The following TCF4 variants were observed in gnomAD, a reference collection of about 807,000 sequenced individuals.
The protein encoded by TCF4 is transcription factor 4.
TCF4 carries 3 observed loss-of-function variants against 82.1 expected under a neutral mutation model. The ratio of observed to expected loss-of-function variants is 0.04; its 90% CI spans 0.02 to 0.09. TCF4 has a LOEUF of 0.09. Among genes scored for constraint, TCF4 ranks in the 10% least tolerant of loss-of-function variants. TCF4 has a pLI of 1.00. For missense variants in TCF4, 518 were observed against 852.7 expected, an observed-to-expected ratio of 0.61 and a Z score of 4.89; for synonymous variants, 276 against 309.6, an observed-to-expected ratio of 0.89 and a Z score of 1.14.
chr18:55,416,296 A>G (rs1261776140), intron 5 of TCF4, among the ~76,000 whole-genome samples: 1 of 152,238 alleles, frequency 6.6e-6, no homozygotes, highest in Non-Finnish European at 1.5e-5. Flanking sequence ...CAAAGACTAC[A>G]TTATTTACTT....
chr18:55,354,839 T>C (rs910514597), intron 6 of TCF4, among the ~76,000 whole-genome samples: 8 of 152,118 alleles, frequency 5.3e-5, no homozygotes, highest in African/African-American at 1.4e-4. Flanking sequence ...AAAAAAGAAG[T>C]AGGAGAAAGA....
chr18:55,517,269 G>A (rs140403415), intron 3 of TCF4, among the ~76,000 whole-genome samples: 40 of 152,176 alleles, frequency 2.6e-4, no homozygotes, highest in Admixed American at 2.2e-3. Flanking sequence ...TCTTTTGTGC[G>A]GCTGGGTGAT....
At chr18:55,564,311 C>G (rs569391953) in intron 3 of TCF4, among the ~76,000 whole-genome samples, 9 of 152,268 alleles carry the variant, frequency 5.9e-5, no homozygotes, top group Non-Finnish European at 1.3e-4. Flanking sequence ...TTATTCTAGG[C>G]ACTATGAGAA....
At chr18:55,532,213 T>C (rs2097071560) in intron 3 of TCF4, among the ~76,000 whole-genome samples, 1 of 152,220 alleles carries the variant, frequency 6.6e-6, no homozygotes, top group African/African-American at 2.4e-5. Context: ...GAAGTGAATC[T>C]TCAATGAACA....
At chr18:55,442,414 T>C (rs948053670) in intron 5 of TCF4, among the ~76,000 whole-genome samples, 4 of 152,242 alleles carry the variant, frequency 2.6e-5, no homozygotes. Flanking sequence ...GGAAGTAGGT[T>C]TTATTTTAAA....
intron 8 of TCF4, among the ~76,000 whole-genome samples, chr18:55,324,479 A>C (rs939213206): frequency 2.0e-5 from 3 of 152,210 alleles, no homozygotes; most frequent in African/African-American, 7.2e-5. Context: ...TTAGAACAGA[A>C]GTATAAGAAC....
At chr18:55,401,304 T>G in intron 6 of TCF4, 1 of 1,178,946 alleles carries the variant, frequency 8.5e-7, no homozygotes, top group Non-Finnish European at 1.1e-6. Context: ...TCACACTGTT[T>G]ATGGAGATTG....
At chr18:55,547,954 AAAG>A (rs1380373652) in intron 3 of TCF4, among the ~76,000 whole-genome samples, 1 of 151,888 alleles carries the variant, frequency 6.6e-6, no homozygotes, top group Non-Finnish European at 1.5e-5. Flanking sequence ...AGGGAGCTGA[AAAG>A]AAGTTTTGTG....
At chr18:55,628,979 A>G (rs1176801811) in intron 2 of TCF4, among the ~76,000 whole-genome samples, 6 of 152,226 alleles carry the variant, frequency 3.9e-5, no homozygotes, top group African/African-American at 1.4e-4. Context: ...TTGTTGCTAA[A>G]TATTTCTTTA....
intron 16 of TCF4, chr18:55,234,284 A>T: frequency 1.7e-6 from 1 of 577,492 alleles, no homozygotes; most frequent in South Asian, 2.4e-5. Flanking sequence ...CTAAAATAAA[A>T]TTTCCTCTCA....
intron 3 of TCF4, among the ~76,000 whole-genome samples, chr18:55,568,386 G>A (rs1223976974): frequency 2.6e-5 from 4 of 151,664 alleles, no homozygotes; most frequent in African/African-American, 9.7e-5. Context: ...AAATTATGGA[G>A]TCAGCAGAGA....
chr18:55,521,375 T>C (rs2096931981), intron 3 of TCF4, among the ~76,000 whole-genome samples: 1 of 152,202 alleles, frequency 6.6e-6, no homozygotes. Context: ...TTGATTTACA[T>C]TTCATGCACT....
chr18:55,548,040 C>T (rs1304615044), intron 3 of TCF4, among the ~76,000 whole-genome samples: 4 of 152,176 alleles, frequency 2.6e-5, no homozygotes, highest in Non-Finnish European at 4.4e-5. Flanking sequence ...ACCCTTACTC[C>T]GCTCAGTAAT....
chr18:55,366,460 T>C (rs1569213428), intron 6 of TCF4, among the ~76,000 whole-genome samples: 4 of 151,936 alleles, frequency 2.6e-5, no homozygotes. Flanking sequence ...CTTCATAAAA[T>C]GCAAATGATT....
At chr18:55,622,827 T>A (rs2097722759) in intron 2 of TCF4, among the ~76,000 whole-genome samples, 1 of 152,062 alleles carries the variant, frequency 6.6e-6, no homozygotes, top group South Asian at 2.1e-4. Context: ...CAGAATATTA[T>A]ACATGCATTT....
chr18:55,541,917 G>C (rs890480296), intron 3 of TCF4, among the ~76,000 whole-genome samples: 1 of 151,850 alleles, frequency 6.6e-6, no homozygotes, highest in Non-Finnish European at 1.5e-5. Flanking sequence ...GCTTGACTAA[G>C]AACAACTAAT....
chr18:55,405,050 C>T (rs2094016914), intron 5 of TCF4, among the ~76,000 whole-genome samples: 1 of 152,248 alleles, frequency 6.6e-6, no homozygotes, highest in Admixed American at 6.5e-5. Flanking sequence ...AACAGAATAA[C>T]TTCCATTGTA....
intron 2 of TCF4, among the ~76,000 whole-genome samples, chr18:55,593,678 TG>T (rs2097688038): frequency 6.6e-6 from 1 of 152,168 alleles, no homozygotes; most frequent in African/African-American, 2.4e-5. Context: ...GAGTCCCACC[TG>T]TGTTAAAATA....
intron 5 of TCF4, among the ~76,000 whole-genome samples, chr18:55,421,592 T>C (rs1399443181): frequency 6.6e-6 from 1 of 152,228 alleles, no homozygotes; most frequent in Non-Finnish European, 1.5e-5. Context: ...AAAATGCTTA[T>C]AAACGTTATA....
Sources: gnomAD v4.1 joint callset for allele counts (sites outside exome capture counted in the v4.1 genomes callset) on GRCh38, gnomAD v4.1.1 for gene constraint, MANE v1.5 for transcripts, NCBI Gene and HGNC (gene_info 2026-07-23, HGNC 2026-07-21) for gene names.